Variants in SLC28A3 observed in about 807,000 individuals in gnomAD.
SLC28A3 encodes the protein concentrative Na(+)-nucleoside cotransporter 3.
Under a neutral mutation model 84.2 loss-of-function variants are expected in SLC28A3, and 68 were observed. That is an observed-to-expected ratio of 0.81 (90% CI 0.66 to 0.99). The LOEUF (loss-of-function observed/expected upper bound fraction) is 0.99. Among genes scored for constraint, SLC28A3 ranks in the 50% least tolerant of loss-of-function variants. SLC28A3 has a pLI of 0.00. For synonymous variants in SLC28A3, 267 were observed against 303.6 expected, an observed-to-expected ratio of 0.88 and a Z score of 1.25; for missense variants, 712 against 841.5, an observed-to-expected ratio of 0.85 and a Z score of 1.90.
At chr9:84,355,810 C>T in the SLC28A3 span, among the ~76,000 whole-genome samples, 1 of 151,664 alleles carries the variant, frequency 6.6e-6, no homozygotes, top group African/African-American at 2.4e-5. Context: ...TCTTCCTTTT[C>T]TTATTTTATT....
chr9:84,284,519 T>A (rs1467206002), intron 14 of SLC28A3, among the ~76,000 whole-genome samples: 1 of 152,204 alleles, frequency 6.6e-6, no homozygotes, highest in Non-Finnish European at 1.5e-5. Context: ...CCCCTTTCAT[T>A]TTTAAACCAA....
At chr9:84,317,329 A>T (rs1826205249) in intron 1 of SLC28A3, among the ~76,000 whole-genome samples, 1 of 152,204 alleles carries the variant, frequency 6.6e-6, no homozygotes, top group South Asian at 2.1e-4. Context: ...TAAATTATAG[A>T]AGTGTTGAAA....
intron 11 of SLC28A3, among the ~76,000 whole-genome samples, chr9:84,289,576 A>G (rs927097607): frequency 6.6e-6 from 1 of 152,250 alleles, no homozygotes. Context: ...CCTGGGCATT[A>G]GAGAATTTAA....
the SLC28A3 span, among the ~76,000 whole-genome samples, chr9:84,354,672 AC>A: frequency 6.6e-6 from 1 of 152,124 alleles, no homozygotes; most frequent in Non-Finnish European, 1.5e-5. Flanking sequence ...ACATGGCGAA[AC>A]CCTGTCTCTA....
Position 84,277,160 on chromosome 9 carries a change from C to A in SLC28A3, c.*1058G>T, listed in dbSNP as rs1484069356. The A allele has an allele frequency of 3.3e-5, 5 of 152,202 alleles. No individual in the cohort carries two copies. Among genetic ancestry groups the A allele is most frequent in the Non-Finnish European group, 7.3e-5 (5 of 68,038 alleles). 9.4% of individuals were successfully genotyped at this position (152,202 alleles called of 1,614,324 possible). A position where few individuals can be genotyped will look rare whatever the true frequency, so the allele number is the denominator to read the frequency against. ...TGATTGAAGAGTAGCTGCTTTGTCA[C>A]CAGGAATACATTACCAAATGTGCAG... is the stretch of plus-strand genomic sequence containing the variant. On this transcript the variant is annotated 3_prime_UTR_variant, in exon 18 of 18. Transcript: ENST00000376238.
chr9:84,308,968 A>G (rs981271897), intron 3 of SLC28A3, among the ~76,000 whole-genome samples: 1 of 152,216 alleles, frequency 6.6e-6, no homozygotes, highest in Admixed American at 6.5e-5. Context: ...TTGAGCGATC[A>G]ATTGCTATTG....
intron 1 of SLC28A3, among the ~76,000 whole-genome samples, chr9:84,314,894 T>C (rs768202100): frequency 4.7e-4 from 71 of 152,238 alleles, no homozygotes; most frequent in Middle Eastern, 3.4e-3. Flanking sequence ...CTGGCTAACA[T>C]GGTGAAACCC....
rs1450054035 is a variant in SLC28A3, at chr9:84,279,330, G to A, written c.1884C>T (p.Ala628=). 1 of 1,613,338 alleles carries A rather than the reference G, an allele frequency of 6.2e-7. No homozygotes were observed. Among genetic ancestry groups the A allele is most frequent in the Non-Finnish European group, 8.5e-7 (1 of 1,179,600 alleles). ...DINCHHVLEN[A]FNSTFPGNTT... ...TGTTTCCAGGGAAAGTGGAGTTGAA[G>A]GCATTCTCTAAAACGTGATGGCAGT... The change falls in exon 17 of 18, where the codon GCC becomes GCT. Residue 628 remains alanine (A), a synonymous_variant. Coordinates refer to ENST00000376238, the MANE Select transcript of SLC28A3 (RefSeq NM_001199633.2).
rs1477765577 is a variant in SLC28A3 at position 84,285,947 on chromosome 9, A to G, written c.1445T>C (p.Phe482Ser). The G allele has an allele frequency of 1.9e-6, 3 of 1,613,434 alleles. No individual in the cohort carries two copies. Among genetic ancestry groups the G allele is most frequent in the Admixed American group, 1.7e-5 (1 of 59,920 alleles). The change falls in exon 13 of 18, where the codon TTT (phenylalanine) becomes TCT (serine). Residue 482 changes from phenylalanine (F) to serine (S), a missense_variant. Physicochemically the swap from Phe to Ser is radical, Grantham distance 155 (BLOSUM62 -2). Transcript: ENST00000376238. The part of the protein sequence containing the change: ...GNMFDYPQLS[F>S]ELICSYIFMP... Reference sequence around the variant, plus strand: ...AGGGGCGTGATGTGATTATACCTCAAAACTCAGCTGTGGGTAGTCAAACAT... The same window carrying G: ...AGGGGCGTGATGTGATTATACCTCAGAACTCAGCTGTGGGTAGTCAAACAT...
At chr9:84,340,074 T>A (rs980810787) in intron 1 of SLC28A3, among the ~76,000 whole-genome samples, 3 of 152,192 alleles carry the variant, frequency 2.0e-5, no homozygotes, top group African/African-American at 7.2e-5. Context: ...GCACCCAGCC[T>A]CGGGCTGAGC....
At chr9:84,298,047 T>G (rs1483243360) in intron 6 of SLC28A3, 28 bp from the exon 7 acceptor site, 1 of 1,570,432 alleles carries the variant, frequency 6.4e-7, no homozygotes, top group South Asian at 1.1e-5. Flanking sequence ...GTGATATGTC[T>G]TAGTAGGAAA....
chr9:84,313,884 A>AG (rs1826077336), intron 1 of SLC28A3, among the ~76,000 whole-genome samples: 1 of 146,524 alleles, frequency 6.8e-6, no homozygotes. Flanking sequence ...AAAAAAAAAG[A>AG]AAAGAAAAGA....
chr9:84,336,829 T>C (rs1826993182), intron 1 of SLC28A3, among the ~76,000 whole-genome samples: 1 of 152,192 alleles, frequency 6.6e-6, no homozygotes, highest in African/African-American at 2.4e-5. Flanking sequence ...CTCTTCTCCT[T>C]TAGGGTTCTG....
the SLC28A3 span, among the ~76,000 whole-genome samples, chr9:84,366,781 G>T: frequency 2.0e-5 from 3 of 152,212 alleles, no homozygotes; most frequent in African/African-American, 7.2e-5. Context: ...AGCTGGGGGT[G>T]GAGCGACACA....
At chr9:84,297,109 AGCGCAGTAG>A in intron 8 of SLC28A3, 103 bp downstream of exon 8, 1 of 679,146 alleles carries the variant, frequency 1.5e-6, no homozygotes, top group South Asian at 1.9e-5. Flanking sequence ...ACCTCTGACC[AGCGCAGTAG>A]GTATATACCT....
At chr9:84,362,306 G>A in the SLC28A3 span, among the ~76,000 whole-genome samples, 7 of 152,162 alleles carry the variant, frequency 4.6e-5, no homozygotes, top group African/African-American at 1.4e-4. Flanking sequence ...CAAGGAGGCT[G>A]GAGCTATAAT....
chr9:84,291,496 C>G (rs1825220772), intron 10 of SLC28A3, among the ~76,000 whole-genome samples: 1 of 152,128 alleles, frequency 6.6e-6, no homozygotes, highest in South Asian at 2.1e-4. Flanking sequence ...GCCACCATGC[C>G]CAGCTAATTT....
At chr9:84,343,085 C>T (rs1354806898), upstream of SLC28A3, among the ~76,000 whole-genome samples, 1 of 151,992 alleles carries the variant, frequency 6.6e-6, no homozygotes, top group Admixed American at 6.6e-5. Context: ...ATTGCTTGAA[C>T]CCAGGAGGTG....
chr9:84,304,616 T>C (rs1014962744), intron 4 of SLC28A3, among the ~76,000 whole-genome samples: 29 of 152,222 alleles, frequency 1.9e-4, no homozygotes, highest in African/African-American at 7.0e-4. Flanking sequence ...GTTGTATTCA[T>C]ATAAAGCATT....
Sources: gnomAD v4.1 joint callset for allele counts (sites outside exome capture counted in the v4.1 genomes callset) on GRCh38, gnomAD v4.1.1 for gene constraint, MANE v1.5 for transcripts, NCBI Gene and HGNC (gene_info 2026-07-23, HGNC 2026-07-21) for gene names.